Variants in PRKG1 observed in about 807,000 individuals in gnomAD.
PRKG1 encodes cGMP-dependent protein kinase 1.
PRKG1 carries 35 observed loss-of-function variants against 88.1 expected under a neutral mutation model. That is an observed-to-expected ratio of 0.40 (90% confidence interval 0.30 to 0.53). The LOEUF (loss-of-function observed/expected upper bound fraction) is 0.53, where lower values mean the gene tolerates loss of function less well. Ranked by LOEUF, PRKG1 falls within the 20% of genes least tolerant of loss-of-function variation. The pLI is 0.59. For synonymous variants in PRKG1, 303 were observed against 292.5 expected (o/e 1.04, Z -0.37); for missense variants, 540 against 839.8 (o/e 0.64, Z 4.41).
intron 5 of PRKG1, among the ~76,000 whole-genome samples, chr10:52,003,111 G>A (rs1320744456): frequency 2.6e-5 from 4 of 152,072 alleles, no homozygotes; most frequent in Admixed American, 6.6e-5. Flanking sequence ...GTTCCATCCC[G>A]GTATCATTCT....
At chr10:51,001,078 T>G (rs1196918214) in intron 1 of PRKG1, among the ~76,000 whole-genome samples, 1 of 152,196 alleles carries the variant, frequency 6.6e-6, no homozygotes, top group Non-Finnish European at 1.5e-5. Flanking sequence ...TTGCTCACAT[T>G]AATACATCAT....
At chr10:52,172,792 C>G (rs1473630791) in intron 9 of PRKG1, among the ~76,000 whole-genome samples, 1 of 152,082 alleles carries the variant, frequency 6.6e-6, no homozygotes, top group African/African-American at 2.4e-5. Context: ...GAAGGGCTCC[C>G]CCTGAGGAGG....
At chr10:52,143,855 A>T (rs967958253) in intron 8 of PRKG1, among the ~76,000 whole-genome samples, 3 of 151,826 alleles carry the variant, frequency 2.0e-5, no homozygotes, top group African/African-American at 4.8e-5. Context: ...TCAATTATCC[A>T]TACAGATTCC....
chr10:51,152,464 T>G (rs995832556), intron 1 of PRKG1, among the ~76,000 whole-genome samples: 2 of 152,088 alleles, frequency 1.3e-5, no homozygotes, highest in Non-Finnish European at 2.9e-5. Context: ...CAATTCTTTT[T>G]TAATCCAAAA....
chr10:51,611,714 A>G (rs567707296), intron 3 of PRKG1, among the ~76,000 whole-genome samples: 14 of 151,012 alleles, frequency 9.3e-5, no homozygotes, highest in Non-Finnish European at 1.8e-4. Flanking sequence ...GCTTGCCTAG[A>G]CCAATGTCCT....
intron 2 of PRKG1, among the ~76,000 whole-genome samples, chr10:51,154,356 C>T (rs775829657): frequency 5.9e-5 from 9 of 151,860 alleles, no homozygotes; most frequent in Non-Finnish European, 1.0e-4. Flanking sequence ...GGACTGCTGA[C>T]TTCTAGTGGG....
rs374124787 is a variant in PRKG1 at position 51,027,245 on chromosome 10, T to C, written c.266+35601T>C. On this transcript the variant is annotated intron_variant, in intron 1 of 17. Coordinates refer to the PRKG1 transcript ENST00000401604. ...GAATCTGAATGCTTCACAAATCTTA[T>C]TAGCTGGCTTTAGCATCTCATTGAT... Among the ~76,000 whole-genome samples, 9 of 152,326 alleles carry C rather than the reference T, an allele frequency of 5.9e-5. No homozygotes were observed. In the East Asian group the frequency reaches 7.7e-4, roughly 13 times the overall value.
intron 14 of PRKG1, among the ~76,000 whole-genome samples, chr10:52,287,486 A>T (rs16928954): frequency 0.026 from 3,965 of 152,118 alleles, 139 homozygotes; most frequent in African/African-American, 0.087. Context: ...CTTAATAAAC[A>T]TGAAAGGCAA....
At chr10:51,269,886 T>A (rs1198966920) in intron 2 of PRKG1, among the ~76,000 whole-genome samples, 1 of 152,174 alleles carries the variant, frequency 6.6e-6, no homozygotes, top group Admixed American at 6.6e-5. Flanking sequence ...TCAAATGCTA[T>A]CTTTAAAAAG....
At chr10:52,098,923 G>A (rs1485972367) in intron 7 of PRKG1, among the ~76,000 whole-genome samples, 1 of 152,134 alleles carries the variant, frequency 6.6e-6, no homozygotes, top group Non-Finnish European at 1.5e-5. Flanking sequence ...TATAATAAAA[G>A]AATCCAAATG....
chr10:51,868,623 G>A (rs1171037499), intron 4 of PRKG1, among the ~76,000 whole-genome samples: 1 of 151,858 alleles, frequency 6.6e-6, no homozygotes, highest in African/African-American at 2.4e-5. Context: ...ACAGTGCCCT[G>A]CCCAACCCAC....
At chr10:51,721,755 T>A (rs1268903224) in intron 3 of PRKG1, among the ~76,000 whole-genome samples, 1 of 48,520 alleles carries the variant, frequency 2.1e-5, no homozygotes, top group African/African-American at 6.4e-5. Flanking sequence ...TATATTTTCA[T>A]GTTCCTGTGT....
chr10:52,147,773 G>A (rs1187445231), intron 8 of PRKG1, among the ~76,000 whole-genome samples: 1 of 152,126 alleles, frequency 6.6e-6, no homozygotes, highest in African/African-American at 2.4e-5. Flanking sequence ...TTGGGTAAAA[G>A]GGAAAGGTCA....
At chr10:51,794,644 A>AATG (rs1198995856) in intron 3 of PRKG1, among the ~76,000 whole-genome samples, 1 of 152,100 alleles carries the variant, frequency 6.6e-6, no homozygotes, top group African/African-American at 2.4e-5. Flanking sequence ...TCACCACAAA[A>AATG]ATGATGACTA....
At chr10:52,060,127 A>G (rs1320823674) in intron 6 of PRKG1, among the ~76,000 whole-genome samples, 1 of 151,920 alleles carries the variant, frequency 6.6e-6, no homozygotes, top group Non-Finnish European at 1.5e-5. Flanking sequence ...GAGCCCAGAT[A>G]AAGATCCATG....
chr10:51,296,401 G>A lies in PRKG1; in HGVS notation c.478+143071G>A, dbSNP rs142991498. Among the ~76,000 whole-genome samples the A allele has an allele frequency of 7.8e-3, 1,180 of 152,006 alleles. 11 individuals are homozygous for A. Among genetic ancestry groups the A allele is most frequent in the African/African-American group, 0.026 (1,090 of 41,504 alleles). ...CACTATCCTATTTCTTCTTGATTCA[G>A]CTTCAATAAGTTGCATATTTGTAGA... On this transcript the variant is annotated intron_variant, in intron 2 of 17. Coordinates refer to ENST00000373980, the MANE Select transcript of PRKG1 (RefSeq NM_006258.4).
At chr10:51,626,324 C>T (rs1211801807) in intron 3 of PRKG1, among the ~76,000 whole-genome samples, 1 of 152,136 alleles carries the variant, frequency 6.6e-6, no homozygotes, top group Non-Finnish European at 1.5e-5. Context: ...TTTAGAAAAA[C>T]ATAGTTGACA....
intron 3 of PRKG1, among the ~76,000 whole-genome samples, chr10:51,678,271 C>A (rs1840761167): frequency 6.6e-6 from 1 of 152,126 alleles, no homozygotes; most frequent in South Asian, 2.1e-4. Flanking sequence ...TTGGGAGGGT[C>A]TGGGTAGGCT....
At chr10:51,390,712 G>C (rs1177061286) in intron 2 of PRKG1, among the ~76,000 whole-genome samples, 9 of 152,280 alleles carry the variant, frequency 5.9e-5, no homozygotes, top group African/African-American at 2.2e-4. Context: ...AAGTACTCTA[G>C]TAGAGGGACT....
Sources: gnomAD v4.1 joint callset for allele counts (sites outside exome capture counted in the v4.1 genomes callset) on GRCh38, gnomAD v4.1.1 for gene constraint, MANE v1.5 for transcripts, NCBI Gene and HGNC (gene_info 2026-07-23, HGNC 2026-07-21) for gene names.